The following EPHB1 variants were observed in gnomAD, a reference collection of about 807,000 sequenced individuals.
EPHB1 encodes ephrin type-B receptor 1.
EPHB1 carries 30 observed loss-of-function variants against 94.4 expected under a neutral mutation model. The ratio of observed to expected loss-of-function variants is 0.32; its 90% confidence interval spans 0.24 to 0.43. The LOEUF (loss-of-function observed/expected upper bound fraction) is 0.43, where lower values mean the gene tolerates loss of function less well. EPHB1 is among the 20% of genes least tolerant of loss of function. The probability of loss-of-function intolerance (pLI) is 1.00; values close to 1 mark genes in which losing one functional copy is unlikely to be tolerated. For synonymous variants in EPHB1, 522 were observed against 489.1 expected, an observed-to-expected ratio of 1.07 and a Z score of -0.89; for missense variants, 1,055 against 1,308.3, an observed-to-expected ratio of 0.81 and a Z score of 2.99.
intron 3 of EPHB1, chr3:134,978,053 G>GCATCCACCC: frequency 2.2e-6 from 1 of 448,500 alleles, no homozygotes; most frequent in Non-Finnish European, 4.5e-6. Context: ...AGCCTCCTCT[G>GCATCCACCC]CATCCACCCC....
intron 12 of EPHB1, among the ~76,000 whole-genome samples, chr3:135,206,636 G>A (rs926901796): frequency 2.0e-4 from 31 of 152,188 alleles, no homozygotes; most frequent in African/African-American, 7.0e-4. Flanking sequence ...GATCACCTGA[G>A]GTCACGAGTT....
intron 12 of EPHB1, among the ~76,000 whole-genome samples, chr3:135,224,671 G>A (rs760006792): frequency 1.4e-4 from 21 of 152,168 alleles, no homozygotes; most frequent in Non-Finnish European, 2.8e-4. Context: ...CCATTGATGA[G>A]TCTTATCTGA....
At chr3:135,023,924 G>T (rs558306422) in intron 3 of EPHB1, among the ~76,000 whole-genome samples, 27 of 152,276 alleles carry the variant, frequency 1.8e-4, no homozygotes, top group African/African-American at 6.3e-4. Flanking sequence ...TTTCTTAGGA[G>T]AATTGTTTTG....
intron 1 of EPHB1, among the ~76,000 whole-genome samples, chr3:134,825,228 A>G (rs908981971): frequency 6.6e-6 from 1 of 152,344 alleles, no homozygotes; most frequent in South Asian, 2.1e-4. Flanking sequence ...ATCCTGCCCT[A>G]AAGGAGGCAG....
At chr3:134,943,379 GTC>G (rs10618601) in intron 2 of EPHB1, among the ~76,000 whole-genome samples, 17,360 of 152,214 alleles carry the variant, frequency 0.11, 1,101 homozygotes, top group Non-Finnish European at 0.13. Context: ...CTCTTGCCCT[GTC>G]TGTTGTCACT....
intron 5 of EPHB1, among the ~76,000 whole-genome samples, chr3:135,144,266 G>C (rs1940934247): frequency 6.6e-6 from 1 of 152,184 alleles, no homozygotes; most frequent in Admixed American, 6.5e-5. Context: ...TAAATTGTAA[G>C]AGTTGACCAA....
At chr3:134,806,235 G>A (rs1365157958) in intron 1 of EPHB1, among the ~76,000 whole-genome samples, 1 of 152,212 alleles carries the variant, frequency 6.6e-6, no homozygotes, top group Non-Finnish European at 1.5e-5. Flanking sequence ...TGGCAGAAGT[G>A]TTTCTGCATA....
chr3:134,884,955 G>C (rs1194490234), intron 1 of EPHB1, among the ~76,000 whole-genome samples: 2 of 152,234 alleles, frequency 1.3e-5, no homozygotes, highest in Non-Finnish European at 2.9e-5. Flanking sequence ...ACATGGAGTG[G>C]ATGTAATGAC....
chr3:135,213,109 T>G (rs968525889), intron 12 of EPHB1, among the ~76,000 whole-genome samples: 2 of 152,258 alleles, frequency 1.3e-5, no homozygotes, highest in South Asian at 4.1e-4. Flanking sequence ...TACCAGGTCC[T>G]CAAACTTCAT....
intron 1 of EPHB1, among the ~76,000 whole-genome samples, chr3:134,818,567 A>G (rs2036314974): frequency 6.6e-6 from 1 of 152,026 alleles, no homozygotes; most frequent in Non-Finnish European, 1.5e-5. Context: ...CCCAAAATCC[A>G]TTGTATCCTT....
chr3:135,130,822 C>A (rs1332491356), intron 4 of EPHB1, among the ~76,000 whole-genome samples: 1 of 152,092 alleles, frequency 6.6e-6, no homozygotes, highest in Non-Finnish European at 1.5e-5. Flanking sequence ...TCAGTGAATG[C>A]CTTTACTTTG....
intron 1 of EPHB1, among the ~76,000 whole-genome samples, chr3:134,847,036 C>T (rs1240673402): frequency 3.9e-5 from 6 of 152,186 alleles, no homozygotes; most frequent in African/African-American, 1.2e-4. Flanking sequence ...CCCTAAGTGT[C>T]GTCAACTTTG....
At chr3:134,994,722 C>A (rs1388103367) in intron 3 of EPHB1, among the ~76,000 whole-genome samples, 1 of 152,134 alleles carries the variant, frequency 6.6e-6, no homozygotes, top group Non-Finnish European at 1.5e-5. Context: ...CAGTGCCCAG[C>A]CTATATAGCT....
intron 5 of EPHB1, among the ~76,000 whole-genome samples, chr3:135,152,921 C>A (rs1006782798): frequency 6.6e-6 from 1 of 152,170 alleles, no homozygotes; most frequent in East Asian, 1.9e-4. Flanking sequence ...ACAGGGCATA[C>A]CTGCCTTCAA....
intron 15 of EPHB1, among the ~76,000 whole-genome samples, chr3:135,253,699 C>G (rs1284944490): frequency 2.1e-5 from 3 of 145,518 alleles, no homozygotes; most frequent in African/African-American, 7.7e-5. Flanking sequence ...GATGCGGGCT[C>G]TTTTTTGGTT....
intron 3 of EPHB1, among the ~76,000 whole-genome samples, chr3:134,965,013 T>G (rs1456567479): frequency 6.6e-6 from 1 of 152,224 alleles, no homozygotes; most frequent in Non-Finnish European, 1.5e-5. Context: ...AGTGATTTTG[T>G]CATCAAAATG....
chr3:134,967,043 G>T (rs1933780703), intron 3 of EPHB1, among the ~76,000 whole-genome samples: 1 of 152,220 alleles, frequency 6.6e-6, no homozygotes, highest in Non-Finnish European at 1.5e-5. Context: ...AAGGCTGGGA[G>T]GTCCCAGAAA....
At chr3:135,083,724 C>A (rs2107788135) in intron 3 of EPHB1, among the ~76,000 whole-genome samples, 1 of 152,104 alleles carries the variant, frequency 6.6e-6, no homozygotes, top group African/African-American at 2.4e-5. Flanking sequence ...CTAACTGGAG[C>A]TTTTAGTTAT....
intron 9 of EPHB1, among the ~76,000 whole-genome samples, chr3:135,175,625 G>A (rs1305175125): frequency 2.0e-5 from 3 of 151,996 alleles, no homozygotes; most frequent in South Asian, 2.1e-4. Context: ...TGTGCCAAAG[G>A]TATGTAACCT....
Sources: gnomAD v4.1 joint callset for allele counts (sites outside exome capture counted in the v4.1 genomes callset) on GRCh38, gnomAD v4.1.1 for gene constraint, MANE v1.5 for transcripts, NCBI Gene and HGNC (gene_info 2026-07-23, HGNC 2026-07-21) for gene names.